Variants in VAMP4 observed in about 807,000 individuals in gnomAD.
The protein encoded by VAMP4 is vesicle-associated membrane protein 4.
In VAMP4, 19 loss-of-function variants were observed where a neutral mutation model predicts 23.5. The ratio of observed to expected loss-of-function variants is 0.81; its 90% CI spans 0.56 to 1.19. The LOEUF (loss-of-function observed/expected upper bound fraction) is 1.19. Ranked by LOEUF, VAMP4 falls within the 50% of genes most tolerant of loss-of-function variation. VAMP4 has a pLI of 0.00. For synonymous variants in VAMP4, 31 were observed against 51.0 expected (o/e 0.61, Z 1.67); for missense variants, 145 against 168.6 (o/e 0.86, Z 0.78).
In VAMP4 at chr1:171,703,396, T is replaced by TGG. The variant is rs1654516453; in HGVS notation, c.*1109_*1110insCC. ...TGACTGATTATCATATGTGTGCGTG[T>TGG]GTGTGTGTGTGTGTGTGTGTGTTTG... On this transcript the variant is annotated 3_prime_UTR_variant, in exon 8 of 8. Coordinates refer to ENST00000236192, the MANE Select transcript of VAMP4 (RefSeq NM_003762.5). The TGG allele has an allele frequency of 1.0e-5, 1 of 98,072 alleles. No individual in the cohort carries two copies. The highest frequency in any genetic ancestry group is 4.0e-5 in the African/African-American group (1 of 24,774). 6.1% of individuals were successfully genotyped at this position (98,072 alleles called of 1,614,324 possible). A position where few individuals can be genotyped will look rare whatever the true frequency, so the allele number is the denominator to read the frequency against.
intron 4 of VAMP4, 58 bp downstream of exon 4, chr1:171,719,113 C>A: frequency 6.6e-7 from 1 of 1,520,232 alleles, no homozygotes; most frequent in Non-Finnish European, 9.0e-7. Context: ...CTGCAGTTTG[C>A]CAATCTCTAG....
intron 4 of VAMP4, among the ~76,000 whole-genome samples, chr1:171,714,581 C>T (rs939141637): frequency 9.2e-5 from 14 of 152,100 alleles, no homozygotes; most frequent in South Asian, 2.1e-4. Context: ...AGACCAGACT[C>T]GCCAACATGG....
rs553473017 is a variant in VAMP4, at chr1:171,709,575, G to T, written c.345+90C>A. ...CAGTTATAGGCCCTGTTCTCACAGAGGTTATGCTCTAGAGGCCCTTTTTTC... is the reference window on the plus strand; with the variant it reads ...CAGTTATAGGCCCTGTTCTCACAGATGTTATGCTCTAGAGGCCCTTTTTTC... On this transcript the variant is annotated intron_variant, in intron 6 of 7. Coordinates refer to ENST00000236192, the MANE Select transcript of VAMP4 (RefSeq NM_003762.5). 3.6e-5 allele frequency: 42 copies of T among 1,172,910 alleles called. 1 individual carries two copies. The South Asian group carries it at 4.8e-4, about 14-fold the overall frequency. 72.7% of individuals were successfully genotyped at this position (1,172,910 alleles called of 1,614,324 possible).
At chr1:171,721,876 A>G (rs1377636472) in intron 3 of VAMP4, among the ~76,000 whole-genome samples, 1 of 152,166 alleles carries the variant, frequency 6.6e-6, no homozygotes, top group African/African-American at 2.4e-5. Context: ...GCTACCAATG[A>G]CTTTCTTCAC....
chr1:171,725,814 C>T (rs1485935518), intron 3 of VAMP4, among the ~76,000 whole-genome samples: 3 of 151,922 alleles, frequency 2.0e-5, no homozygotes. Flanking sequence ...CCTTAACCCC[C>T]TGAGTTGCTG....
rs566864058 is a variant in VAMP4, at chr1:171,704,547, A to G, written c.398-13T>C. The G allele has an allele frequency of 9.5e-6, 15 of 1,573,638 alleles. No individual in the cohort carries two copies. The highest frequency in any genetic ancestry group is 5.5e-5 in the Admixed American group (3 of 54,968). On this transcript the variant is annotated splice_polypyrimidine_tract_variant and intron_variant, in intron 7 of 7. Transcript: ENST00000236192. Reference sequence around the variant, plus strand: ...ATGACTATAAGAACTGTAAGAGAAAACATGAAAAAAGCAATATATCAACAT... The same window carrying G: ...ATGACTATAAGAACTGTAAGAGAAAGCATGAAAAAAGCAATATATCAACAT...
At chr1:171,710,452 C>T (rs1369154256) in intron 5 of VAMP4, among the ~76,000 whole-genome samples, 4 of 151,888 alleles carry the variant, frequency 2.6e-5, no homozygotes, top group Non-Finnish European at 5.9e-5. Context: ...ATCAATATCA[C>T]AGGGCAAAAG....
chr1:171,705,527 C>G (rs1014777306), intron 7 of VAMP4, among the ~76,000 whole-genome samples: 1 of 152,060 alleles, frequency 6.6e-6, no homozygotes, highest in Non-Finnish European at 1.5e-5. Flanking sequence ...GGGGGACTTA[C>G]AATTTTTTGT....
At chr1:171,710,683 G>C in intron 5 of VAMP4, 31 bp downstream of exon 5, 1 of 1,510,822 alleles carries the variant, frequency 6.6e-7, no homozygotes, top group Non-Finnish European at 9.1e-7. Context: ...AAACAGATTA[G>C]TAATATCAAG....
chr1:171,723,998 A>G (rs1655281887), intron 3 of VAMP4, among the ~76,000 whole-genome samples: 1 of 152,220 alleles, frequency 6.6e-6, no homozygotes. Flanking sequence ...ATTATAAATC[A>G]TGCTGCTATA....
chr1:171,734,892 T>C (rs1358322394), intron 2 of VAMP4, among the ~76,000 whole-genome samples: 1 of 152,190 alleles, frequency 6.6e-6, no homozygotes, highest in East Asian at 1.9e-4. Flanking sequence ...AATGTATTCA[T>C]AAAGCTTATT....
intron 2 of VAMP4, among the ~76,000 whole-genome samples, chr1:171,736,041 C>T (rs1040216557): frequency 3.3e-5 from 5 of 152,216 alleles, no homozygotes; most frequent in South Asian, 2.1e-4. Context: ...TGTGCACCAC[C>T]GCACCTGGCT....
intron 5 of VAMP4, among the ~76,000 whole-genome samples, chr1:171,710,418 G>A (rs1223814632): frequency 6.6e-6 from 1 of 152,006 alleles, no homozygotes; most frequent in African/African-American, 2.4e-5. Context: ...TTTAGGCCCT[G>A]AGATCATGAG....
At chr1:171,706,730 T>A (rs542729603) in intron 6 of VAMP4, among the ~76,000 whole-genome samples, 9 of 152,196 alleles carry the variant, frequency 5.9e-5, no homozygotes, top group Non-Finnish European at 1.0e-4. Context: ...ATTGAACCAT[T>A]TGAATTGCAT....
chr1:171,731,156 A>G (rs983966998), intron 2 of VAMP4, among the ~76,000 whole-genome samples: 1 of 135,446 alleles, frequency 7.4e-6, no homozygotes, highest in African/African-American at 3.0e-5. Flanking sequence ...AGTACTAAGC[A>G]GCGGTTTTGA....
At chr1:171,710,594 T>C (rs895530892) in intron 5 of VAMP4, 120 bp downstream of exon 5, 3 of 668,722 alleles carry the variant, frequency 4.5e-6, no homozygotes, top group Non-Finnish European at 7.7e-6. Context: ...ATTAAAATCA[T>C]ATACTTAAGA....
Position 171,702,326 on chromosome 1 carries a change from T to G in VAMP4, c.*2180A>C, listed in dbSNP as rs925916571. On this transcript the variant is annotated 3_prime_UTR_variant, in exon 8 of 8. Transcript: ENST00000236192. Reference sequence around the variant, plus strand: ...TACAAAGTTCCATGAGTGATAATTCTGTTACCCATATCCCAGGCAGCAATA... The same window carrying G: ...TACAAAGTTCCATGAGTGATAATTCGGTTACCCATATCCCAGGCAGCAATA... 6.6e-6 allele frequency: 1 copy of G among 152,048 alleles called. No individual in the cohort carries two copies. Among genetic ancestry groups the G allele is most frequent in the Non-Finnish European group, 1.5e-5 (1 of 67,908 alleles). The allele number at this position is 152,048 out of a possible 1,614,324, so 9.4% of individuals were successfully genotyped here.
intron 4 of VAMP4, among the ~76,000 whole-genome samples, chr1:171,718,061 A>G (rs1225905341): frequency 6.6e-6 from 1 of 152,178 alleles, no homozygotes; most frequent in Non-Finnish European, 1.5e-5. Context: ...GACCCAAGGA[A>G]ACTGTGAGAT....
intron 6 of VAMP4, among the ~76,000 whole-genome samples, chr1:171,708,698 T>TA (rs58332156): frequency 0.017 from 2,208 of 131,624 alleles, 48 homozygotes; most frequent in African/African-American, 0.054. Context: ...CCGTCTCTAC[T>TA]AAAAAAAAAA....
Sources: allele counts gnomAD v4.1 joint callset (sites outside exome capture counted in the v4.1 genomes callset), GRCh38; gene constraint gnomAD v4.1.1; transcripts MANE v1.5; gene names NCBI Gene and HGNC (gene_info 2026-07-23, HGNC 2026-07-21).